The following MAGED1 variants were observed in gnomAD, a reference collection of about 807,000 sequenced individuals.
MAGED1 encodes MAGE family member D1.
In MAGED1, 3 loss-of-function variants were observed where a neutral mutation model predicts 54.1. The ratio of observed to expected loss-of-function variants is 0.06; its 90% confidence interval spans 0.03 to 0.14. The LOEUF is 0.14. MAGED1 is among the 10% of genes least tolerant of loss of function. The probability of loss-of-function intolerance (pLI) is 1.00; values close to 1 mark genes in which losing one functional copy is unlikely to be tolerated. For synonymous variants in MAGED1, 217 were observed against 227.3 expected, an observed-to-expected ratio of 0.95 and a Z score of 0.41; for missense variants, 485 against 623.4, an observed-to-expected ratio of 0.78 and a Z score of 2.36.
intron 1 of MAGED1, among the ~76,000 whole-genome samples, chrX:51,807,724 A>G (rs1557355250): frequency 8.9e-6 from 1 of 111,841 alleles, no homozygotes; most frequent in Non-Finnish European, 1.9e-5. Flanking sequence ...ATTAACTCAA[A>G]TATATAAATC....
intron 1 of MAGED1, among the ~76,000 whole-genome samples, chrX:51,819,585 C>T (rs891299684): frequency 2.7e-5 from 3 of 110,683 alleles, no homozygotes; most frequent in East Asian, 2.8e-4. Flanking sequence ...ATGTCCTTAT[C>T]GGCTATTTGT....
At chrX:51,818,969 C>T (rs1557356294) in intron 1 of MAGED1, among the ~76,000 whole-genome samples, 1 of 111,922 alleles carries the variant, frequency 8.9e-6, no homozygotes, top group African/African-American at 3.2e-5. Flanking sequence ...CAGTCCTGGG[C>T]TTAATGAAGG....
chrX:51,821,932 C>G (rs984397103), intron 1 of MAGED1, among the ~76,000 whole-genome samples: 1 of 111,581 alleles, frequency 9.0e-6, no homozygotes, highest in Admixed American at 9.5e-5. Context: ...TGGAATAGAT[C>G]TCAGTCATGG....
chrX:51,847,462 T>A (rs1311233384), intron 1 of MAGED1, among the ~76,000 whole-genome samples: 5 of 111,442 alleles, frequency 4.5e-5, no homozygotes, highest in Non-Finnish European at 9.4e-5. Flanking sequence ...TGCTCCTTAG[T>A]TCAGCTAGAA....
intron 5 of MAGED1, 45 bp downstream of exon 5, chrX:51,897,316 C>A: frequency 9.0e-7 from 1 of 1,112,152 alleles, no homozygotes. Flanking sequence ...CTTCCCTTCA[C>A]TCCATGCTCT....
At chrX:51,873,600 T>C (rs782633067) in intron 1 of MAGED1, among the ~76,000 whole-genome samples, 1 of 108,911 alleles carries the variant, frequency 9.2e-6, no homozygotes, top group South Asian at 4.1e-4. Flanking sequence ...GATGGGTATT[T>C]GGAATATCAT....
At chrX:51,862,634 CTGT>C (rs369461774) in intron 1 of MAGED1, among the ~76,000 whole-genome samples, 1 of 111,550 alleles carries the variant, frequency 9.0e-6, no homozygotes, top group African/African-American at 3.3e-5. Context: ...GAAAAGGGTA[CTGT>C]TGCCCCTGTT....
At chrX:51,813,269 C>T (rs1282509487) in intron 1 of MAGED1, among the ~76,000 whole-genome samples, 2 of 110,543 alleles carry the variant, frequency 1.8e-5, no homozygotes, top group Non-Finnish European at 3.8e-5. Context: ...GTGACCCACC[C>T]GCCTCTGCCT....
intron 1 of MAGED1, among the ~76,000 whole-genome samples, chrX:51,869,197 A>G (rs28367476): frequency 0.13 from 14,235 of 110,693 alleles, 812 homozygotes; most frequent in Non-Finnish European, 0.18. Flanking sequence ...GTAATGGTGT[A>G]GTGTAGGGAT....
intron 1 of MAGED1, among the ~76,000 whole-genome samples, chrX:51,819,640 A>G (rs1289512692): frequency 2.7e-5 from 3 of 110,731 alleles, no homozygotes; most frequent in Non-Finnish European, 5.7e-5. Flanking sequence ...TTCTTTTTAA[A>G]TTACATTATT....
intron 1 of MAGED1, among the ~76,000 whole-genome samples, chrX:51,824,522 G>A (rs1925758232): frequency 9.1e-6 from 1 of 109,721 alleles, no homozygotes; most frequent in African/African-American, 3.3e-5. Context: ...TTCCTACTTG[G>A]TGTTTGTTTG....
At chrX:51,861,881 C>G (rs1927291839) in intron 1 of MAGED1, among the ~76,000 whole-genome samples, 1 of 111,354 alleles carries the variant, frequency 9.0e-6, no homozygotes, top group African/African-American at 3.3e-5. Flanking sequence ...GGGGGTTCAC[C>G]ATGTTGGCCA....
At chrX:51,870,423 A>T (rs1272005310) in intron 1 of MAGED1, among the ~76,000 whole-genome samples, 4 of 111,260 alleles carry the variant, frequency 3.6e-5, no homozygotes, top group Non-Finnish European at 1.9e-5. Flanking sequence ...TTCTTTGGGG[A>T]TCTTGTGCTC....
chrX:51,869,634 C>T (rs1222663601), intron 1 of MAGED1, among the ~76,000 whole-genome samples: 2 of 110,208 alleles, frequency 1.8e-5, no homozygotes, highest in Non-Finnish European at 3.8e-5. Flanking sequence ...TTTGGGAGGC[C>T]GAGGCAGGCG....
At chrX:51,828,498 C>A (rs2146962140) in intron 1 of MAGED1, among the ~76,000 whole-genome samples, 1 of 109,119 alleles carries the variant, frequency 9.2e-6, no homozygotes, top group South Asian at 3.9e-4. Flanking sequence ...TTTGACATTT[C>A]TTGCAGGACA....
chrX:51,896,639 C>T lies in MAGED1; in HGVS notation c.984C>T (p.Thr328=), dbSNP rs1928763658. ...PARQSPPARQ[T]PPAWQNPVAW... Reference sequence around the variant, plus strand: ...GTCAGAGCCCTCCAGCTAGGCAGACCCCACCAGCCTGGCAGAACCCAGTCG... The same window carrying T: ...GTCAGAGCCCTCCAGCTAGGCAGACTCCACCAGCCTGGCAGAACCCAGTCG... The change falls in exon 4 of 13, where the codon ACC becomes ACT. Residue 328 remains threonine, a synonymous_variant. Coordinates refer to ENST00000326587, the MANE Select transcript of MAGED1 (RefSeq NM_006986.4). The T allele has an allele frequency of 8.3e-7, 1 of 1,210,627 alleles. No individual in the cohort carries two copies. Among genetic ancestry groups the T allele is most frequent in the African/African-American group, 1.7e-5 (1 of 57,342 alleles).
intron 1 of MAGED1, among the ~76,000 whole-genome samples, chrX:51,821,423 C>T (rs1925626848): frequency 1.8e-5 from 2 of 110,868 alleles, no homozygotes; most frequent in South Asian, 7.8e-4. Context: ...CAGGGTCTCC[C>T]TCTGTCACCC....
intron 1 of MAGED1, among the ~76,000 whole-genome samples, chrX:51,828,402 T>C (rs1925935868): frequency 8.9e-6 from 1 of 111,975 alleles, no homozygotes; most frequent in African/African-American, 3.2e-5. Context: ...AAGTTTTATA[T>C]TACTTATATT....
At chrX:51,847,324 T>A (rs1179401723) in intron 1 of MAGED1, among the ~76,000 whole-genome samples, 1 of 111,797 alleles carries the variant, frequency 8.9e-6, no homozygotes, top group African/African-American at 3.3e-5. Flanking sequence ...ATAGTATTGT[T>A]TTCTACGTTC....
Sources: gnomAD v4.1 joint callset for allele counts (sites outside exome capture counted in the v4.1 genomes callset) on GRCh38, gnomAD v4.1.1 for gene constraint, MANE v1.5 for transcripts, NCBI Gene and HGNC (gene_info 2026-07-23, HGNC 2026-07-21) for gene names.